TBC1D5: variants seen among roughly 807,000 people sequenced by gnomAD.
TBC1D5 encodes the protein TBC1 domain family member 5.
TBC1D5 carries 75 observed loss-of-function variants against 100.3 expected under a neutral mutation model. That is an observed-to-expected ratio of 0.75 (90% CI 0.62 to 0.91). The LOEUF (loss-of-function observed/expected upper bound fraction) is 0.91. TBC1D5 is among the 40% of genes least tolerant of loss of function. The probability of loss-of-function intolerance (pLI) is 0.00; values close to 1 mark genes in which losing one functional copy is unlikely to be tolerated. For synonymous variants in TBC1D5, 323 were observed against 325.6 expected, an observed-to-expected ratio of 0.99 and a Z score of 0.09; for missense variants, 910 against 942.4, an observed-to-expected ratio of 0.97 and a Z score of 0.45.
intron 1 of TBC1D5, among the ~76,000 whole-genome samples, chr3:17,700,180 C>T (rs1176152865): frequency 6.6e-6 from 1 of 151,176 alleles, no homozygotes; most frequent in Non-Finnish European, 1.5e-5. Flanking sequence ...TACCACACAA[C>T]TACAACCATC....
At chr3:17,566,395 C>A (rs1313149304) in intron 2 of TBC1D5, among the ~76,000 whole-genome samples, 1 of 151,818 alleles carries the variant, frequency 6.6e-6, no homozygotes, top group African/African-American at 2.4e-5. Context: ...AACAAAGCTG[C>A]TTACTGAAGG....
intron 2 of TBC1D5, among the ~76,000 whole-genome samples, chr3:17,539,082 C>T (rs1404251785): frequency 6.6e-6 from 1 of 152,092 alleles, no homozygotes; most frequent in Admixed American, 6.5e-5. Flanking sequence ...ACTCAGGAGG[C>T]TGATGAGGCA....
chr3:17,409,280 T>C (rs987807062), intron 4 of TBC1D5, among the ~76,000 whole-genome samples: 1 of 152,148 alleles, frequency 6.6e-6, no homozygotes, highest in Admixed American at 6.6e-5. Context: ...TCTCTGATGT[T>C]ACTATTGTAA....
chr3:17,269,860 G>A (rs1396057925), intron 15 of TBC1D5, among the ~76,000 whole-genome samples: 1 of 152,112 alleles, frequency 6.6e-6, no homozygotes, highest in Non-Finnish European at 1.5e-5. Context: ...GTTCCATGGT[G>A]TATATGTACC....
chr3:17,316,057 T>C lies in TBC1D5; in HGVS notation c.996-7923A>G, dbSNP rs143429822. Among the ~76,000 whole-genome samples, 154 of 152,316 alleles carry C rather than the reference T, an allele frequency of 1.0e-3. 1 individual carries two copies. The highest frequency in any genetic ancestry group is 3.4e-3 in the African/African-American group (143 of 41,566). ...CCTAACTGTTCTGGACTGATTTTGC[T>C]GGAAAGGTTGTAGTTTGGCTTCTGG... On this transcript the variant is annotated intron_variant, in intron 13 of 21. Transcript: ENST00000253692.
At chr3:17,307,665 C>T (rs1386565811) in intron 14 of TBC1D5, among the ~76,000 whole-genome samples, 1 of 152,140 alleles carries the variant, frequency 6.6e-6, no homozygotes, top group Non-Finnish European at 1.5e-5. Flanking sequence ...GAGCTCTAAA[C>T]ATATCTCAAA....
intron 1 of TBC1D5, among the ~76,000 whole-genome samples, chr3:17,728,672 T>C (rs2076311167): frequency 6.6e-6 from 1 of 151,930 alleles, no homozygotes; most frequent in South Asian, 2.1e-4. Context: ...TGTCGAGCCA[T>C]TTGAAAAAAA....
intron 3 of TBC1D5, among the ~76,000 whole-genome samples, chr3:17,476,914 G>A (rs916731281): frequency 1.4e-4 from 22 of 151,850 alleles, no homozygotes; most frequent in East Asian, 3.8e-4. Context: ...TTTTGCACAC[G>A]TTATATAACA....
intron 14 of TBC1D5, among the ~76,000 whole-genome samples, chr3:17,302,736 G>A (rs781772398): frequency 1.4e-4 from 22 of 152,096 alleles, no homozygotes; most frequent in Non-Finnish European, 2.2e-4. Flanking sequence ...ATGTCATCAC[G>A]GAAGGAAGGC....
chr3:17,481,210 C>T (rs978564727), intron 3 of TBC1D5, among the ~76,000 whole-genome samples: 2 of 152,332 alleles, frequency 1.3e-5, no homozygotes, highest in African/African-American at 2.4e-5. Flanking sequence ...GCATCTGTAC[C>T]GGCACCTAGG....
intron 13 of TBC1D5, among the ~76,000 whole-genome samples, chr3:17,334,535 G>C (rs1194017975): frequency 1.3e-5 from 2 of 152,144 alleles, no homozygotes; most frequent in East Asian, 3.8e-4. Context: ...ACAGAGCTAT[G>C]AAAATGGTGG....
At chr3:17,585,175 GA>G (rs1251026832) in intron 2 of TBC1D5, among the ~76,000 whole-genome samples, 1 of 151,998 alleles carries the variant, frequency 6.6e-6, no homozygotes, top group Non-Finnish European at 1.5e-5. Context: ...TATACATCAG[GA>G]AAAAATGCCT....
At chr3:17,627,949 T>G (rs1330638677) in intron 1 of TBC1D5, among the ~76,000 whole-genome samples, 2 of 152,216 alleles carry the variant, frequency 1.3e-5, no homozygotes, top group Non-Finnish European at 2.9e-5. Flanking sequence ...TTAGCTCTTA[T>G]TACTACTCTC....
chr3:17,697,496 C>T (rs1043419518), intron 1 of TBC1D5, among the ~76,000 whole-genome samples: 11 of 152,254 alleles, frequency 7.2e-5, no homozygotes, highest in African/African-American at 2.6e-4. Flanking sequence ...AAGTGAATTC[C>T]CATTCACAAT....
At chr3:17,585,528 C>G (rs553675460) in intron 2 of TBC1D5, among the ~76,000 whole-genome samples, 1 of 152,096 alleles carries the variant, frequency 6.6e-6, no homozygotes, top group African/African-American at 2.4e-5. Flanking sequence ...TTACCCAGTT[C>G]TCTAAGTCAT....
intron 2 of TBC1D5, among the ~76,000 whole-genome samples, chr3:17,619,137 T>C (rs2062436574): frequency 6.6e-6 from 1 of 152,154 alleles, no homozygotes; most frequent in African/African-American, 2.4e-5. Flanking sequence ...AAAATAAACA[T>C]TCTTAAAACA....
At chr3:17,403,789 C>A (rs2152431695) in intron 7 of TBC1D5, among the ~76,000 whole-genome samples, 1 of 152,216 alleles carries the variant, frequency 6.6e-6, no homozygotes, top group South Asian at 2.1e-4. Flanking sequence ...TAATGAGAAA[C>A]TAGTATATAT....
chr3:17,201,507 A>G (rs1193864002), intron 18 of TBC1D5, among the ~76,000 whole-genome samples: 3 of 152,136 alleles, frequency 2.0e-5, no homozygotes. Flanking sequence ...AAGGTGCCTG[A>G]TATGGTTTGG....
At chr3:17,319,640 G>T (rs559711612) in intron 13 of TBC1D5, among the ~76,000 whole-genome samples, 95 of 152,116 alleles carry the variant, frequency 6.2e-4, no homozygotes, top group African/African-American at 2.2e-3. Flanking sequence ...GGAGGCAGAG[G>T]CGGGCGGATC....
Sources: gnomAD v4.1 joint callset for allele counts (sites outside exome capture counted in the v4.1 genomes callset) on GRCh38, gnomAD v4.1.1 for gene constraint, MANE v1.5 for transcripts, NCBI Gene and HGNC (gene_info 2026-07-23, HGNC 2026-07-21) for gene names.